POU2F1: variants seen among roughly 807,000 people sequenced by gnomAD.
POU2F1 encodes POU class 2 homeobox 1.
In POU2F1, 16 loss-of-function variants were observed where a neutral mutation model predicts 84.9. The observed-to-expected ratio is 0.19, with a 90% CI of 0.13 to 0.29. The LOEUF (loss-of-function observed/expected upper bound fraction) is 0.29, where lower values mean the gene tolerates loss of function less well. Ranked by LOEUF, POU2F1 falls within the 10% of genes least tolerant of loss-of-function variation. The pLI is 1.00. For synonymous variants in POU2F1, 368 were observed against 368.3 expected (o/e 1.00, Z 0.01); for missense variants, 738 against 942.6 (o/e 0.78, Z 2.84).
intron 1 of POU2F1, among the ~76,000 whole-genome samples, chr1:167,237,746 G>GTATATATATATA (rs58988722): frequency 1.2e-4 from 9 of 72,992 alleles, no homozygotes; most frequent in African/African-American, 3.8e-4. Flanking sequence ...ATGTGTGTGT[G>GTATATATATATA]TATATATATA....
chr1:167,221,533 G>A (rs2102311623), intron 1 of POU2F1, among the ~76,000 whole-genome samples: 2 of 149,146 alleles, frequency 1.3e-5, no homozygotes, highest in African/African-American at 2.4e-5. Flanking sequence ...ACCCGCACGC[G>A]TCTTCCCCCG....
At chr1:167,251,118 G>A (rs866977203) in intron 1 of POU2F1, among the ~76,000 whole-genome samples, 2 of 152,144 alleles carry the variant, frequency 1.3e-5, no homozygotes, top group Admixed American at 6.5e-5. Flanking sequence ...CTAATCTTGG[G>A]CCAAGTGTGG....
chr1:167,358,357 T>C (rs1407158200), intron 2 of POU2F1, among the ~76,000 whole-genome samples: 1 of 151,982 alleles, frequency 6.6e-6, no homozygotes, highest in Non-Finnish European at 1.5e-5. Flanking sequence ...CTTGTATTTA[T>C]ATTTTTCACA....
intron 1 of POU2F1, among the ~76,000 whole-genome samples, chr1:167,226,372 C>G (rs1422974798): frequency 6.6e-6 from 1 of 152,180 alleles, no homozygotes; most frequent in Non-Finnish European, 1.5e-5. Flanking sequence ...TTAAGGTTCA[C>G]AGAGAATAGC....
At chr1:167,355,366 A>G (rs1286505586) in intron 2 of POU2F1, among the ~76,000 whole-genome samples, 2 of 152,092 alleles carry the variant, frequency 1.3e-5, no homozygotes, top group East Asian at 3.8e-4. Context: ...CTGCACTGGT[A>G]TATGTGTTGA....
intron 9 of POU2F1, among the ~76,000 whole-genome samples, chr1:167,392,940 A>C (rs1241784797): frequency 6.6e-6 from 1 of 152,238 alleles, no homozygotes; most frequent in Non-Finnish European, 1.5e-5. Flanking sequence ...GAAACAAAAA[A>C]AGCTCTATTC....
chr1:167,390,636 A>C (rs903242850), intron 9 of POU2F1, among the ~76,000 whole-genome samples: 1 of 151,368 alleles, frequency 6.6e-6, no homozygotes, highest in Non-Finnish European at 1.5e-5. Context: ...TAAATAAATA[A>C]AAAATTTAAC....
intron 1 of POU2F1, among the ~76,000 whole-genome samples, chr1:167,277,737 GCCAT>G (rs1337878779): frequency 6.6e-6 from 1 of 152,130 alleles, no homozygotes; most frequent in East Asian, 1.9e-4. Context: ...GATGCCGCAT[GCCAT>G]CCTCTGGTGT....
chr1:167,359,981 C>T (rs1263294988), intron 2 of POU2F1, among the ~76,000 whole-genome samples: 1 of 151,014 alleles, frequency 6.6e-6, no homozygotes, highest in African/African-American at 2.4e-5. Context: ...GCTTGTATGT[C>T]TTCTTTTGAG....
chr1:167,232,462 A>G (rs746761673), intron 1 of POU2F1, among the ~76,000 whole-genome samples: 2 of 152,270 alleles, frequency 1.3e-5, no homozygotes, highest in East Asian at 3.8e-4. Context: ...GAATAAGGAT[A>G]TAAAGAAAAA....
intron 1 of POU2F1, among the ~76,000 whole-genome samples, chr1:167,221,762 G>A (rs1648212981): frequency 6.6e-6 from 1 of 151,732 alleles, no homozygotes; most frequent in Non-Finnish European, 1.5e-5. Context: ...GCGGTCGTGG[G>A]CGCTGCGAGG....
intron 7 of POU2F1, among the ~76,000 whole-genome samples, chr1:167,381,423 C>T (rs955747189): frequency 6.6e-6 from 1 of 151,938 alleles, no homozygotes; most frequent in African/African-American, 2.4e-5. Context: ...TCTATGGGCC[C>T]TTTCAGCCTT....
chr1:167,359,517 T>G (rs1659207236), intron 2 of POU2F1, among the ~76,000 whole-genome samples: 1 of 152,190 alleles, frequency 6.6e-6, no homozygotes, highest in Non-Finnish European at 1.5e-5. Context: ...TGGATTTTGT[T>G]CTGTTTATGG....
chr1:167,287,291 A>T (rs1180999392), intron 1 of POU2F1, among the ~76,000 whole-genome samples: 1 of 152,232 alleles, frequency 6.6e-6, no homozygotes, highest in Non-Finnish European at 1.5e-5. Context: ...GGAAACCCAG[A>T]GATAAGAAAC....
At chr1:167,233,255 G>C (rs1190849574) in intron 1 of POU2F1, among the ~76,000 whole-genome samples, 1 of 150,734 alleles carries the variant, frequency 6.6e-6, no homozygotes, top group Non-Finnish European at 1.5e-5. Flanking sequence ...TCCTACCTCA[G>C]CCTCCTGAGG....
In POU2F1 at chr1:167,261,242, GT is replaced by G. The variant is rs1448130701; in HGVS notation, c.61+40291del. Among the ~76,000 whole-genome samples the G allele has an allele frequency of 5.3e-5, 8 of 152,042 alleles. No individual in the cohort carries two copies. The South Asian group carries it at 8.3e-4, about 16-fold the overall frequency. On this transcript the variant is annotated intron_variant, in intron 1 of 15. Transcript: ENST00000367866. ...CAGTTTATTTTTAGAATTTTATTAG[GT>G]TTTTTTAAATGGTCACCTTTGAGAT...
chr1:167,381,326 A>G (rs1281510841), intron 7 of POU2F1, among the ~76,000 whole-genome samples: 1 of 152,062 alleles, frequency 6.6e-6, no homozygotes, highest in African/African-American at 2.4e-5. Context: ...CTCATGATCC[A>G]CATGCCTCGG....
At chr1:167,315,526 G>A (rs1359957997) in intron 1 of POU2F1, among the ~76,000 whole-genome samples, 4 of 152,092 alleles carry the variant, frequency 2.6e-5, no homozygotes, top group African/African-American at 9.7e-5. Flanking sequence ...CTGTAATCCC[G>A]GCTACTTGGG....
chr1:167,402,204 G>A (rs1649262361), intron 13 of POU2F1, among the ~76,000 whole-genome samples: 1 of 152,090 alleles, frequency 6.6e-6, no homozygotes, highest in Non-Finnish European at 1.5e-5. Context: ...GTCATCAGAT[G>A]TTTTTTAGTG....
Sources: gnomAD v4.1 joint callset for allele counts (sites outside exome capture counted in the v4.1 genomes callset) on GRCh38, gnomAD v4.1.1 for gene constraint, MANE v1.5 for transcripts, NCBI Gene and HGNC (gene_info 2026-07-23, HGNC 2026-07-21) for gene names.